The following GPR108 variants were observed in gnomAD, a reference collection of about 807,000 sequenced individuals.
GPR108 encodes G protein-coupled receptor 108, also known as protein GPR108.
A neutral mutation model predicts 74.3 loss-of-function variants in GPR108; 60 were observed. The ratio of observed to expected loss-of-function variants is 0.81; its 90% CI spans 0.66 to 1.00. The LOEUF is 1.00. GPR108 is among the 50% of genes least tolerant of loss of function. The pLI, the probability that GPR108 is intolerant of heterozygous loss-of-function variation, is 0.00. For missense variants in GPR108, 667 were observed against 703.3 expected (o/e 0.95, Z 0.58); for synonymous variants, 311 against 292.4 (o/e 1.06, Z -0.65).
At chr19:6,731,343 AGACTGCAG>A in intron 15 of GPR108, 61 bp from the exon 16 acceptor site, 8 of 1,508,240 alleles carry the variant, frequency 5.3e-6, no homozygotes, top group Non-Finnish European at 7.1e-6. Context: ...GCATGGGGCT[AGACTGCAG>A]GACTGCGGGC....
Position 6,735,964 on chromosome 19 carries a change from G to A in GPR108, c.241-6C>T. The A allele has an allele frequency of 6.2e-7, 1 of 1,603,902 alleles. No individual in the cohort carries two copies. Among genetic ancestry groups the A allele is most frequent in the Admixed American group, 1.7e-5 (1 of 58,816 alleles). On this transcript the variant is annotated splice_region_variant and splice_polypyrimidine_tract_variant and intron_variant, in intron 2 of 17. Coordinates refer to ENST00000264080, the MANE Select transcript of GPR108 (RefSeq NM_001080452.2). The stretch of plus-strand genomic sequence containing the variant: ...CGGCTGAGACTGAACCCCACCTGGT[G>A]GGTGGAAAAAAAAAGGGGAGGGTGT...
intron 4 of GPR108, among the ~76,000 whole-genome samples, chr19:6,734,728 CA>C (rs1968560070): frequency 6.6e-6 from 1 of 151,974 alleles, no homozygotes; most frequent in Non-Finnish European, 1.5e-5. Context: ...TTTCTAGAGA[CA>C]GGGGTCTCCC....
rs1344498781 is a variant in GPR108 at position 6,732,958 on chromosome 19, C to T, written c.933+29G>A. 4.5e-6 allele frequency: 7 copies of T among 1,553,652 alleles called. No individual in the cohort carries two copies. In the East Asian group the frequency reaches 1.4e-4, roughly 32 times the overall value. The stretch of plus-strand genomic sequence containing the variant: ...CCCGGGTGGGCCTTTCAGCCCACCC[C>T]CCGCTGCTCCCCGGTCCAAGGCTCT... On this transcript the variant is annotated intron_variant, in intron 10 of 17. Transcript: ENST00000264080.
rs768127276 is a variant in GPR108 at position 6,732,463 on chromosome 19, G to C, written c.1007+13C>G. On this transcript the variant is annotated intron_variant, in intron 11 of 17. Transcript: ENST00000264080. ...CCTCCCCCCAGCTGCCCAGCAGAGT[G>C]GGGGACACTCACAGGTGTGCGATGT... is the stretch of plus-strand genomic sequence containing the variant. The C allele has an allele frequency of 1.2e-6, 2 of 1,613,480 alleles. No individual in the cohort carries two copies. Among genetic ancestry groups the C allele is most frequent in the African/African-American group, 2.7e-5 (2 of 75,036 alleles).
intron 2 of GPR108, among the ~76,000 whole-genome samples, chr19:6,736,367 G>A (rs1487657784): frequency 6.6e-6 from 1 of 152,138 alleles, no homozygotes. Context: ...AAAGTGCTAG[G>A]ACTACAAAGC....
At chr19:6,731,796 G>A in intron 14 of GPR108, 95 bp downstream of exon 14, 1 of 1,421,748 alleles carries the variant, frequency 7.0e-7, no homozygotes, top group Admixed American at 1.9e-5. Flanking sequence ...TGGGGGCTGG[G>A]CAGAGAGGCC....
chr19:6,734,884 T>C (rs1170104949), intron 4 of GPR108, among the ~76,000 whole-genome samples: 2 of 132,596 alleles, frequency 1.5e-5, no homozygotes, highest in Non-Finnish European at 3.1e-5. Flanking sequence ...TTATTATTAT[T>C]ATTATTATTA....
At chr19:6,731,638 C>T in intron 14 of GPR108, 116 bp from the exon 15 acceptor site, 1 of 975,166 alleles carries the variant, frequency 1.0e-6, no homozygotes. Flanking sequence ...CCAGGAGCAG[C>T]AAGTCTCGAG....
intron 11 of GPR108, 35 bp downstream of exon 11, chr19:6,732,441 C>T (rs1369982460): frequency 1.2e-6 from 2 of 1,610,392 alleles, no homozygotes; most frequent in East Asian, 2.2e-5. Flanking sequence ...CTGCCTGCCT[C>T]CCCCCAGCTG....
chr19:6,734,868 T>C (rs1599546510), intron 4 of GPR108, among the ~76,000 whole-genome samples: 1 of 124,790 alleles, frequency 8.0e-6, no homozygotes, highest in Non-Finnish European at 1.6e-5. Context: ...ATTATTATTA[T>C]TATTATTATT....
At chr19:6,736,523 A>G (rs1968640764) in intron 2 of GPR108, 69 bp downstream of exon 2, 4 of 1,490,824 alleles carry the variant, frequency 2.7e-6, no homozygotes, top group Non-Finnish European at 3.7e-6. Context: ...GGGTAGCGGC[A>G]GAGCTGGGAA....
At chr19:6,733,359 A>G in intron 8 of GPR108, 58 bp from the exon 9 acceptor site, 1 of 1,563,356 alleles carries the variant, frequency 6.4e-7, no homozygotes. Flanking sequence ...CTGGCCTGGG[A>G]GAGCAGCGAG....
Position 6,730,031 on chromosome 19 carries a change from C to T in GPR108, c.*281G>A, listed in dbSNP as rs981243947. ...ACACAACCTCCGTGTAGACCCCAAC[C>T]CCCAAAAAGGCAAGACAACGGCGTA... On this transcript the variant is annotated 3_prime_UTR_variant, in exon 18 of 18. Transcript: ENST00000264080. The T allele has an allele frequency of 4.2e-6, 2 of 473,168 alleles. No individual in the cohort carries two copies. Among genetic ancestry groups the T allele is most frequent in the East Asian group, 3.8e-5 (1 of 26,402 alleles). 29.3% of individuals were successfully genotyped at this position (473,168 alleles called of 1,614,324 possible).
intron 7 of GPR108, 38 bp downstream of exon 7, chr19:6,733,807 G>A: frequency 1.2e-6 from 2 of 1,610,276 alleles, no homozygotes; most frequent in Non-Finnish European, 1.7e-6. Flanking sequence ...CCCGTGCTCT[G>A]GGGTGACGGA....
chr19:6,733,999 C>T lies in GPR108; in HGVS notation c.549+6G>A, dbSNP rs200040403. The T allele has an allele frequency of 1.9e-5, 31 of 1,614,054 alleles. No individual in the cohort carries two copies. The highest frequency in any genetic ancestry group is 4.4e-5 in the South Asian group (4 of 91,084). On this transcript the variant is annotated splice_donor_region_variant and intron_variant, in intron 6 of 17. Transcript: ENST00000264080. ...CATCTTCCCTCCTGCCCCGCCTCCCCGAAACCTGAATCACTGCGGGTGTTG... is the reference window on the plus strand; with the variant it reads ...CATCTTCCCTCCTGCCCCGCCTCCCTGAAACCTGAATCACTGCGGGTGTTG...
intron 2 of GPR108, 33 bp downstream of exon 2, chr19:6,736,559 C>CGAG: frequency 6.2e-7 from 1 of 1,600,082 alleles, no homozygotes; most frequent in East Asian, 2.3e-5. Flanking sequence ...TTGCACCGTG[C>CGAG]TCTCCTCCAG....
At chr19:6,732,607 T>C in intron 10 of GPR108, 58 bp from the exon 11 acceptor site, 7 of 1,303,586 alleles carry the variant, frequency 5.4e-6, no homozygotes, top group Middle Eastern at 1.9e-4. Context: ...AGGCTGATGG[T>C]GGTGGTGGGG....
chr19:6,731,146 A>T, intron 16 of GPR108, 35 bp from the exon 17 acceptor site: 3 of 1,606,698 alleles, frequency 1.9e-6, no homozygotes, highest in Non-Finnish European at 2.6e-6. Flanking sequence ...CGTCAGGCGC[A>T]CCCCCACCCC....
chr19:6,737,312 C>A, intron 1 of GPR108, 145 bp downstream of exon 1: 6 of 1,074,292 alleles, frequency 5.6e-6, no homozygotes, highest in Non-Finnish European at 7.6e-6. Context: ...CGGGACGAGA[C>A]CACTCCGGGC....
Sources: gnomAD v4.1 joint callset for allele counts (sites outside exome capture counted in the v4.1 genomes callset) on GRCh38, gnomAD v4.1.1 for gene constraint, MANE v1.5 for transcripts, NCBI Gene and HGNC (gene_info 2026-07-23, HGNC 2026-07-21) for gene names.